Variants in GAB4 observed in about 807,000 individuals in gnomAD.
GAB4 encodes GRB2-associated-binding protein 4.
Under a neutral mutation model 51.3 loss-of-function variants are expected in GAB4, and 26 were observed. That is an observed-to-expected ratio of 0.51 (90% CI 0.37 to 0.70). The LOEUF is 0.70. Among genes scored for constraint, GAB4 ranks in the 30% least tolerant of loss-of-function variants. The probability of loss-of-function intolerance (pLI) is 0.00; values close to 1 mark genes in which losing one functional copy is unlikely to be tolerated. For missense variants in GAB4, 759 were observed against 734.6 expected, an observed-to-expected ratio of 1.03 and a Z score of -0.38; for synonymous variants, 329 against 291.2, an observed-to-expected ratio of 1.13 and a Z score of -1.32.
chr22:16,964,928 C>T (rs1204716531), intron 7 of GAB4, 66 bp from the exon 8 acceptor site: 2 of 1,254,320 alleles, frequency 1.6e-6, no homozygotes, highest in Non-Finnish European at 2.3e-6. Context: ...AGGGCTCCAG[C>T]CTCCAGCTGG....
chr22:16,994,438 G>A (rs1290230700), intron 1 of GAB4, among the ~76,000 whole-genome samples: 1 of 152,200 alleles, frequency 6.6e-6, no homozygotes, highest in Non-Finnish European at 1.5e-5. Flanking sequence ...CGAGGCTGCT[G>A]CCTTCACGAT....
intron 3 of GAB4, among the ~76,000 whole-genome samples, chr22:16,973,610 A>T (rs544212294): frequency 6.6e-6 from 1 of 152,256 alleles, no homozygotes; most frequent in Admixed American, 6.5e-5. Context: ...TCAAAATGTT[A>T]CACCAAGTCC....
At chr22:17,002,698 G>T (rs2123726646) in intron 1 of GAB4, among the ~76,000 whole-genome samples, 1 of 152,164 alleles carries the variant, frequency 6.6e-6, no homozygotes, top group Admixed American at 6.5e-5. Flanking sequence ...AGGGGGGAGG[G>T]ATAGCATTAG....
At chr22:16,976,446 A>G (rs2060779240) in intron 3 of GAB4, among the ~76,000 whole-genome samples, 1 of 152,240 alleles carries the variant, frequency 6.6e-6, no homozygotes, top group African/African-American at 2.4e-5. Flanking sequence ...TTAATGAAAT[A>G]AAGCATGAAG....
intron 3 of GAB4, among the ~76,000 whole-genome samples, chr22:16,977,333 C>T (rs1212325460): frequency 2.8e-5 from 4 of 144,476 alleles, no homozygotes; most frequent in African/African-American, 1.0e-4. Flanking sequence ...GAAGATTTAC[C>T]AAGCAAATGG....
At position 16,988,175 on chromosome 22, in the gene GAB4, T is replaced by C; in HGVS notation, c.479-8A>G. 1.3e-6 allele frequency: 2 copies of C among 1,597,328 alleles called. No homozygotes were observed. The highest frequency in any genetic ancestry group is 1.7e-6 in the Non-Finnish European group (2 of 1,165,638). ...AAATGTTTCCCAGGAAGCCTGTGAA[T>C]GAAACAGGAAGGAAGGGCATCCTTG... On this transcript the variant is annotated splice_polypyrimidine_tract_variant and splice_region_variant and intron_variant, in intron 2 of 9. Transcript: ENST00000400588.
chr22:16,968,700 A>T (rs2060703836), intron 4 of GAB4, among the ~76,000 whole-genome samples: 1 of 152,186 alleles, frequency 6.6e-6, no homozygotes, highest in African/African-American at 2.4e-5. Flanking sequence ...AATAGTAAAG[A>T]GTGCTTATAC....
chr22:16,981,157 A>G (rs2123683716), intron 3 of GAB4, among the ~76,000 whole-genome samples: 1 of 151,364 alleles, frequency 6.6e-6, no homozygotes, highest in South Asian at 2.1e-4. Context: ...AAAGTATAAT[A>G]AAAATAAATA....
At chr22:16,976,219 T>C (rs994970159) in intron 3 of GAB4, among the ~76,000 whole-genome samples, 14 of 152,170 alleles carry the variant, frequency 9.2e-5, no homozygotes, top group African/African-American at 3.4e-4. Flanking sequence ...TAATAACTCC[T>C]CTGAGCTAAA....
chr22:16,998,000 T>A (rs2060964126), intron 1 of GAB4, among the ~76,000 whole-genome samples: 1 of 152,368 alleles, frequency 6.6e-6, no homozygotes, highest in South Asian at 2.1e-4. Context: ...GTTCCATTGG[T>A]CTATATCTCT....
In GAB4 at chr22:16,962,697, ACT is replaced by A; in HGVS notation, c.*34_*35del. On this transcript the variant is annotated 3_prime_UTR_variant, in exon 10 of 10. Transcript: ENST00000400588. ...GAGTGTGGCGGAGCAGCTCTGAGGCACTGTCCTGGCCCCACTCTGGTTTTGGT... is the reference window on the plus strand; with the variant it reads ...GAGTGTGGCGGAGCAGCTCTGAGGCAGTCCTGGCCCCACTCTGGTTTTGGT... The A allele has an allele frequency of 6.3e-7, 1 of 1,589,016 alleles. No individual in the cohort carries two copies. The highest frequency in any genetic ancestry group is 8.6e-7 in the Non-Finnish European group (1 of 1,168,800).
chr22:16,963,905 G>A, intron 8 of GAB4, 76 bp from the exon 9 acceptor site: 1 of 1,138,960 alleles, frequency 8.8e-7, no homozygotes, highest in Admixed American at 1.8e-5. Context: ...ACACCTGTGG[G>A]CGTAGCTACG....
intron 4 of GAB4, among the ~76,000 whole-genome samples, chr22:16,969,043 A>G (rs2060707051): frequency 6.6e-6 from 1 of 152,248 alleles, no homozygotes; most frequent in African/African-American, 2.4e-5. Context: ...TGGATGCAAA[A>G]GGAAAGGAGT....
chr22:16,987,278 G>A (rs1174851095), intron 3 of GAB4, among the ~76,000 whole-genome samples: 3 of 152,198 alleles, frequency 2.0e-5, no homozygotes, highest in East Asian at 1.9e-4. Context: ...GCACATTTGC[G>A]TGACCTTACA....
chr22:16,975,191 T>C (rs531530074), intron 3 of GAB4, among the ~76,000 whole-genome samples: 81 of 152,192 alleles, frequency 5.3e-4, no homozygotes, highest in African/African-American at 1.7e-3. Context: ...GGGCTGAAGC[T>C]AGGGAGCCAA....
At chr22:17,007,693 G>A (rs1290859091) in intron 1 of GAB4, among the ~76,000 whole-genome samples, 1 of 152,150 alleles carries the variant, frequency 6.6e-6, no homozygotes, top group Admixed American at 6.5e-5. Context: ...TCTCCGACCT[G>A]CAGGCCCACG....
At chr22:16,994,210 G>A (rs1243289531) in intron 1 of GAB4, among the ~76,000 whole-genome samples, 2 of 151,980 alleles carry the variant, frequency 1.3e-5, no homozygotes, top group Non-Finnish European at 2.9e-5. Context: ...ACTCTAATCA[G>A]GCTGTTCCCC....
intron 1 of GAB4, among the ~76,000 whole-genome samples, chr22:16,994,343 T>C (rs16981922): frequency 0.014 from 2,146 of 152,296 alleles, 51 homozygotes; most frequent in African/African-American, 0.05. Context: ...TTGAAAAAGA[T>C]TGAAGACTGA....
At chr22:16,987,561 C>T (rs2060878155) in intron 3 of GAB4, among the ~76,000 whole-genome samples, 1 of 152,218 alleles carries the variant, frequency 6.6e-6, no homozygotes, top group South Asian at 2.1e-4. Context: ...TGGAGCAGCA[C>T]AGCTTAGAAT....
Sources: gnomAD v4.1 joint callset for allele counts (sites outside exome capture counted in the v4.1 genomes callset) on GRCh38, gnomAD v4.1.1 for gene constraint, MANE v1.5 for transcripts, NCBI Gene and HGNC (gene_info 2026-07-23, HGNC 2026-07-21) for gene names.